Variants in PSMD1 observed in about 807,000 individuals in gnomAD.
PSMD1 encodes proteasome 26S subunit, non-ATPase 1.
Under a neutral mutation model 119.0 loss-of-function variants are expected in PSMD1, and 18 were observed. The ratio of observed to expected loss-of-function variants is 0.15; its 90% confidence interval spans 0.10 to 0.22. PSMD1 has a LOEUF of 0.22. Among genes scored for constraint, PSMD1 ranks in the 10% least tolerant of loss-of-function variants. The probability of loss-of-function intolerance (pLI) is 1.00; values close to 1 mark genes in which losing one functional copy is unlikely to be tolerated. For synonymous variants in PSMD1, 374 were observed against 396.6 expected, an observed-to-expected ratio of 0.94 and a Z score of 0.68; for missense variants, 702 against 1,158.5, an observed-to-expected ratio of 0.61 and a Z score of 5.72.
intron 23 of PSMD1, among the ~76,000 whole-genome samples, chr2:231,169,532 G>C (rs907544598): frequency 2.0e-5 from 3 of 152,120 alleles, no homozygotes; most frequent in African/African-American, 4.8e-5. Flanking sequence ...GAAATAGTTC[G>C]GAGTTCACGA....
intron 21 of PSMD1, among the ~76,000 whole-genome samples, chr2:231,164,540 A>G (rs1249441383): frequency 6.6e-6 from 1 of 152,082 alleles, no homozygotes; most frequent in African/African-American, 2.4e-5. Flanking sequence ...GTGTATAAGT[A>G]AGGATAATTA....
intron 16 of PSMD1, among the ~76,000 whole-genome samples, chr2:231,100,907 G>A (rs1027027466): frequency 3.9e-5 from 6 of 152,068 alleles, no homozygotes; most frequent in Admixed American, 1.3e-4. Context: ...CTTCATTTTC[G>A]AGGGTTCCCT....
At chr2:231,158,442 A>G (rs1462715687) in intron 19 of PSMD1, among the ~76,000 whole-genome samples, 6 of 151,684 alleles carry the variant, frequency 4.0e-5, no homozygotes, top group Non-Finnish European at 8.9e-5. Flanking sequence ...AGCCGAAGAT[A>G]AAGAAGTTGA....
At chr2:231,148,440 T>C (rs1447360100) in intron 18 of PSMD1, among the ~76,000 whole-genome samples, 3 of 152,214 alleles carry the variant, frequency 2.0e-5, no homozygotes, top group Admixed American at 6.5e-5. Context: ...CAGAGTCCTT[T>C]AGGAGCTGGA....
intron 17 of PSMD1, among the ~76,000 whole-genome samples, chr2:231,142,332 A>G (rs886697974): frequency 6.6e-6 from 1 of 152,154 alleles, no homozygotes; most frequent in Non-Finnish European, 1.5e-5. Flanking sequence ...TTTCTACAAC[A>G]CATCTGTTCT....
At position 231,170,791 on chromosome 2, in the gene PSMD1, A is replaced by T; in HGVS notation, c.*9+70A>T. On this transcript the variant is annotated intron_variant, in intron 24 of 24. Transcript: ENST00000308696. The surrounding 1 kb of genome is among the most constrained non-coding windows in gnomAD (Gnocchi z 4.1). ...CTTCACAAATGTTTTTTGCAAGGAC[A>T]TCATCTCACGTTTTTCCTTCCTTTT... is the stretch of plus-strand genomic sequence containing the variant. The T allele has an allele frequency of 2.8e-6, 4 of 1,437,362 alleles. No homozygotes were observed. The highest frequency in any genetic ancestry group is 3.7e-6 in the Non-Finnish European group (4 of 1,071,568). 89.0% of individuals were successfully genotyped at this position (1,437,362 alleles called of 1,614,324 possible). A position where few individuals can be genotyped will look rare whatever the true frequency, so the allele number is the denominator to read the frequency against.
intron 16 of PSMD1, among the ~76,000 whole-genome samples, chr2:231,091,378 A>G (rs1190259987): frequency 6.6e-6 from 1 of 152,184 alleles, no homozygotes; most frequent in East Asian, 1.9e-4. Context: ...AAGCTTTTGC[A>G]AAACCTCCCG....
chr2:231,062,964 G>A (rs987071674), intron 4 of PSMD1, among the ~76,000 whole-genome samples: 3 of 151,984 alleles, frequency 2.0e-5, no homozygotes, highest in Admixed American at 6.6e-5. Context: ...TAGTTTTTTC[G>A]AATACAGGAA....
chr2:231,120,637 C>G (rs915013174), intron 16 of PSMD1, among the ~76,000 whole-genome samples: 1 of 152,184 alleles, frequency 6.6e-6, no homozygotes, highest in Non-Finnish European at 1.5e-5. Flanking sequence ...TAAAATATCT[C>G]TCAGTATAAG....
At chr2:231,084,907 A>G in intron 14 of PSMD1, 112 bp from the exon 15 acceptor site, 1 of 786,892 alleles carries the variant, frequency 1.3e-6, no homozygotes, top group African/African-American at 1.7e-5. Context: ...TATTGAGCTC[A>G]TCATTTCCTA....
At chr2:231,136,620 CTG>C (rs1264470383) in intron 16 of PSMD1, among the ~76,000 whole-genome samples, 1 of 152,164 alleles carries the variant, frequency 6.6e-6, no homozygotes, top group African/African-American at 2.4e-5. Context: ...ATTCAAGACA[CTG>C]TATCATTTTG....
chr2:231,149,472 AAAAC>A (rs1391237056), intron 18 of PSMD1, among the ~76,000 whole-genome samples: 2 of 152,190 alleles, frequency 1.3e-5, no homozygotes, highest in Non-Finnish European at 2.9e-5. Flanking sequence ...CTATCTCTAA[AAAAC>A]AAACAAAAAA....
At chr2:231,087,330 A>T in intron 16 of PSMD1, 149 bp downstream of exon 16, 2 of 630,674 alleles carry the variant, frequency 3.2e-6, no homozygotes, top group Non-Finnish European at 5.6e-6. Flanking sequence ...ACCATTTAAT[A>T]GCGAGATTAG....
At chr2:231,144,653 A>C (rs1696212245) in intron 17 of PSMD1, among the ~76,000 whole-genome samples, 1 of 151,778 alleles carries the variant, frequency 6.6e-6, no homozygotes, top group South Asian at 2.1e-4. Context: ...GCCTCAATTA[A>C]TCCACCCACT....
chr2:231,084,875 AAACTACC>A, intron 14 of PSMD1, 137 bp from the exon 15 acceptor site: 1 of 632,826 alleles, frequency 1.6e-6, no homozygotes, highest in Non-Finnish European at 2.8e-6. Context: ...TTTATTTCAA[AAACTACC>A]AACCACAAAA....
chr2:231,108,550 A>G (rs771798794), intron 16 of PSMD1: 4 of 1,613,928 alleles, frequency 2.5e-6, no homozygotes, highest in Non-Finnish European at 3.4e-6. Flanking sequence ...CAGTTTTGTC[A>G]CCTTCATTTT....
intron 15 of PSMD1, 94 bp from the exon 16 acceptor site, chr2:231,087,023 A>ATAC: frequency 1.1e-6 from 1 of 929,292 alleles, no homozygotes; most frequent in East Asian, 2.4e-5. Flanking sequence ...GTAGTGAGGT[A>ATAC]TACACTCACT....
At position 231,084,928 on chromosome 2, in the gene PSMD1, G is replaced by A. The variant is rs1288657904; in HGVS notation, c.1723-91G>A. On this transcript the variant is annotated intron_variant, in intron 14 of 24. Transcript: ENST00000308696. ...GCTCATCATTTCCTATCTGAGACCA[G>A]CTTACTTGGTGGATGCCACTATGCC... The A allele has an allele frequency of 9.0e-6, 9 of 998,858 alleles. No homozygotes were observed. In the East Asian group the frequency reaches 1.8e-4, roughly 20 times the overall value. The allele number at this position is 998,858 out of a possible 1,614,324, so 61.9% of individuals were successfully genotyped here. A position where few individuals can be genotyped will look rare whatever the true frequency, so the allele number is the denominator to read the frequency against.
chr2:231,094,742 A>G (rs1694686014), intron 16 of PSMD1, among the ~76,000 whole-genome samples: 1 of 152,252 alleles, frequency 6.6e-6, no homozygotes, highest in Non-Finnish European at 1.5e-5. Flanking sequence ...AGGCACAACT[A>G]CAGAAGTATG....
Sources: allele counts gnomAD v4.1 joint callset (sites outside exome capture counted in the v4.1 genomes callset), GRCh38; gene constraint gnomAD v4.1.1; non-coding constraint Gnocchi (gnomAD v3.1); transcripts MANE v1.5; gene names NCBI Gene and HGNC (gene_info 2026-07-23, HGNC 2026-07-21).